HIBCH: variants seen among roughly 807,000 people sequenced by gnomAD.
HIBCH encodes the protein 3-hydroxyisobutyryl-CoA hydrolase, mitochondrial.
A neutral mutation model predicts 58.2 loss-of-function variants in HIBCH; 50 were observed. The observed-to-expected ratio is 0.86, with a 90% CI of 0.68 to 1.09. HIBCH has a LOEUF of 1.09. HIBCH is among the 50% of genes least tolerant of loss of function. The pLI is 0.00. For synonymous variants in HIBCH, 151 were observed against 146.9 expected (o/e 1.03, Z -0.20); for missense variants, 450 against 449.7 (o/e 1.00, Z -0.01).
chr2:190,296,117 G>A (rs369230143), intron 3 of HIBCH, among the ~76,000 whole-genome samples: 1 of 152,112 alleles, frequency 6.6e-6, no homozygotes, highest in Non-Finnish European at 1.5e-5. Context: ...AGAAAAAGCA[G>A]GCAGTTTAAA....
rs1687646135 is a variant in HIBCH, at chr2:190,279,444, T to C, written c.438+8142A>G. Reference sequence around the variant, plus strand: ...TCAGCACCAACTCAAAATTCCGAAGTCCAGAGTCCCATCTGTGAAGCCTGT... The same window carrying C: ...TCAGCACCAACTCAAAATTCCGAAGCCCAGAGTCCCATCTGTGAAGCCTGT... On this transcript the variant is annotated intron_variant, in intron 6 of 13. Transcript: ENST00000359678. This position sits in a 1 kb window ranked among gnomAD's most constrained non-coding sequence, Gnocchi z 4.2. 6.6e-6 allele frequency among the ~76,000 whole-genome samples: 1 copy of C among 152,174 alleles called. No individual in the cohort carries two copies. Among genetic ancestry groups the C allele is most frequent in the Non-Finnish European group, 1.5e-5 (1 of 68,020 alleles).
intron 6 of HIBCH, among the ~76,000 whole-genome samples, chr2:190,276,096 G>C (rs1431223057): frequency 6.6e-6 from 1 of 152,196 alleles, no homozygotes; most frequent in Non-Finnish European, 1.5e-5. Flanking sequence ...CCAAGAGAGA[G>C]AAGTGGTCCA....
rs1686867346 is a variant in HIBCH at position 190,254,439 on chromosome 2, A to G, written c.518-2132T>C. ...AATCTCCAGAACTGTGAGAAAAAAAATTTCTACTGTTTAAGCAACCAAGTT... is the reference window on the plus strand; with the variant it reads ...AATCTCCAGAACTGTGAGAAAAAAAGTTTCTACTGTTTAAGCAACCAAGTT... On this transcript the variant is annotated intron_variant, in intron 7 of 13. Transcript: ENST00000359678. This position sits in a 1 kb window ranked among gnomAD's most constrained non-coding sequence, Gnocchi z 5.0. Among the ~76,000 whole-genome samples the G allele has an allele frequency of 6.6e-6, 1 of 152,120 alleles. No individual in the cohort carries two copies. Among genetic ancestry groups the G allele is most frequent in the Admixed American group, 6.5e-5 (1 of 15,272 alleles).
intron 4 of HIBCH, 56 bp from the exon 5 acceptor site, chr2:190,290,541 A>G: frequency 3.7e-6 from 4 of 1,090,950 alleles, no homozygotes. Flanking sequence ...AACATTGTCA[A>G]CTAGATCAAA....
At chr2:190,241,082 TCTCA>T (rs1266168157) in intron 11 of HIBCH, among the ~76,000 whole-genome samples, 3 of 152,342 alleles carry the variant, frequency 2.0e-5, no homozygotes, top group African/African-American at 7.2e-5. Context: ...GTTCAAAGTC[TCTCA>T]CTATTATTGT....
chr2:190,238,972 A>T (rs1686368580), intron 11 of HIBCH, among the ~76,000 whole-genome samples: 1 of 152,212 alleles, frequency 6.6e-6, no homozygotes, highest in Non-Finnish European at 1.5e-5. Flanking sequence ...TAGTTTAATT[A>T]GATCCTATTT....
intron 6 of HIBCH, among the ~76,000 whole-genome samples, chr2:190,261,448 A>C (rs1687086470): frequency 6.6e-6 from 1 of 152,128 alleles, no homozygotes; most frequent in Non-Finnish European, 1.5e-5. Flanking sequence ...AAACATTTAC[A>C]CATAAAGTCT....
chr2:190,283,548 T>C (rs1290426198), intron 6 of HIBCH, among the ~76,000 whole-genome samples: 1 of 152,148 alleles, frequency 6.6e-6, no homozygotes, highest in African/African-American at 2.4e-5. Flanking sequence ...TACATTCGAG[T>C]GCTATTTCTT....
intron 11 of HIBCH, among the ~76,000 whole-genome samples, chr2:190,233,969 C>A (rs1686187263): frequency 6.6e-6 from 1 of 152,168 alleles, no homozygotes; most frequent in Non-Finnish European, 1.5e-5. Flanking sequence ...ACCAGCCTGG[C>A]CAAGATGGTG....
chr2:190,285,802 C>A (rs1687814656), intron 6 of HIBCH, among the ~76,000 whole-genome samples: 1 of 152,048 alleles, frequency 6.6e-6, no homozygotes, highest in South Asian at 2.1e-4. Context: ...GGACAGCTGG[C>A]CGTAAAGAAG....
intron 9 of HIBCH, among the ~76,000 whole-genome samples, chr2:190,249,233 G>C (rs1487854504): frequency 1.3e-5 from 2 of 152,118 alleles, no homozygotes; most frequent in African/African-American, 4.8e-5. Flanking sequence ...GCTCTTATAA[G>C]AAAATTCAAG....
chr2:190,242,504 T>C (rs1686481489), intron 11 of HIBCH, among the ~76,000 whole-genome samples: 1 of 152,114 alleles, frequency 6.6e-6, no homozygotes, highest in African/African-American at 2.4e-5. Flanking sequence ...AGAGGCATTA[T>C]GGTTTTTGGA....
rs1414748327 is a variant in HIBCH at position 190,304,387 on chromosome 2, A to G, written c.78+6367T>C. Among the ~76,000 whole-genome samples, 6 of 152,174 alleles carry G rather than the reference A, an allele frequency of 3.9e-5. No individual in the cohort carries two copies. The highest frequency in any genetic ancestry group is 7.2e-5 in the African/African-American group (3 of 41,430). The stretch of plus-strand genomic sequence containing the variant: ...GAGACCCAAGGAGGTACAGGGCATC[A>G]TATGTCAAGGAAGCTAAGCATGCTA... On this transcript the variant is annotated intron_variant, in intron 2 of 13. Coordinates refer to ENST00000359678, the MANE Select transcript of HIBCH (RefSeq NM_014362.4). This position sits in a 1 kb window ranked among gnomAD's most constrained non-coding sequence, Gnocchi z 4.1.
intron 11 of HIBCH, among the ~76,000 whole-genome samples, chr2:190,239,404 C>T (rs1049495512): frequency 6.6e-6 from 1 of 152,070 alleles, no homozygotes; most frequent in Non-Finnish European, 1.5e-5. Context: ...TAGCATGATG[C>T]CTCCAACTTT....
At chr2:190,253,319 T>C (rs1686832234) in intron 7 of HIBCH, among the ~76,000 whole-genome samples, 1 of 152,166 alleles carries the variant, frequency 6.6e-6, no homozygotes, top group African/African-American at 2.4e-5. Flanking sequence ...TGTTCTAAAG[T>C]TTCCTTTAAT....
Position 190,290,464 on chromosome 2 carries a change from GC to G in HIBCH, c.325del (p.Ala109GlnfsTer5), listed in dbSNP as rs1687930725. ...DIRVISEAEK[A>X]KQKIAPVFFR... is the part of the protein sequence containing the mutation. ...GAAAACTGGAGCTATCTTCTGTTTT[GC>G]CTTTTCAGCTTCCGAGATCACTAGG... On this transcript the variant is annotated frameshift_variant, in exon 5 of 14. Coordinates refer to ENST00000359678, the MANE Select transcript of HIBCH (RefSeq NM_014362.4). LOFTEE classifies it high-confidence loss of function. 1 of 1,609,646 alleles carries G rather than the reference GC, an allele frequency of 6.2e-7. No individual in the cohort carries two copies. The highest frequency in any genetic ancestry group is 1.3e-5 in the African/African-American group (1 of 74,580).
At chr2:190,222,603 T>C (rs900335397) in intron 11 of HIBCH, among the ~76,000 whole-genome samples, 3 of 152,106 alleles carry the variant, frequency 2.0e-5, no homozygotes. Context: ...ATGGCGATCA[T>C]TAAAAAGTCA....
chr2:190,205,124 T>C lies in HIBCH; in HGVS notation c.1154A>G (p.Lys385Arg). 1.3e-6 allele frequency: 2 copies of C among 1,586,736 alleles called. No homozygotes were observed. Among genetic ancestry groups the C allele is most frequent in the Non-Finnish European group, 1.7e-6 (2 of 1,157,112 alleles). Residue 385 changes from lysine (K) to arginine (R), a missense_variant, in exon 14 of 14, where the codon AAA (lysine) becomes AGA (arginine). Coordinates refer to ENST00000359678, the MANE Select transcript of HIBCH (RefSeq NM_014362.4). ...CCTTAAAAGCCTGTCACCTCAAAATTTCAAATCACTGCTTCCCAAAGACTT... is the reference window on the plus strand; with the variant it reads ...CCTTAAAAGCCTGTCACCTCAAAATCTCAAATCACTGCTTCCCAAAGACTT... The part of the protein sequence containing the change: ...HFKSLGSSDL[K>R]F
intron 3 of HIBCH, 150 bp from the exon 4 acceptor site, chr2:190,294,780 C>T (rs1688061593): frequency 4.5e-6 from 3 of 664,446 alleles, no homozygotes; most frequent in African/African-American, 3.6e-5. Flanking sequence ...TCCAGAAGAA[C>T]GAATCTCATC....
Sources: allele counts gnomAD v4.1 joint callset (sites outside exome capture counted in the v4.1 genomes callset), GRCh38; gene constraint gnomAD v4.1.1; non-coding constraint Gnocchi (gnomAD v3.1); transcripts MANE v1.5; gene names NCBI Gene and HGNC (gene_info 2026-07-23, HGNC 2026-07-21).